Variants in YBEY observed in about 807,000 individuals in gnomAD.
The protein encoded by YBEY is ybeY metalloendoribonuclease, also known as endoribonuclease YbeY.
Under a neutral mutation model 13.5 loss-of-function variants are expected in YBEY, and 15 were observed. That is an observed-to-expected ratio of 1.11 (90% CI 0.75 to 1.72). The LOEUF is 1.72. Ranked by LOEUF, YBEY falls within the 40% of genes most tolerant of loss-of-function variation. The pLI, the probability that YBEY is intolerant of heterozygous loss-of-function variation, is 0.00. For missense variants in YBEY, 244 were observed against 208.4 expected (o/e 1.17, Z -1.05); for synonymous variants, 101 against 83.1 (o/e 1.21, Z -1.17).
At chr21:46,298,055 T>A (rs1453130369), downstream of YBEY, among the ~76,000 whole-genome samples, 1 of 152,228 alleles carries the variant, frequency 6.6e-6, no homozygotes, top group African/African-American at 2.4e-5. Flanking sequence ...CGCACGCCTC[T>A]TCATCAGGGC....
chr21:46,301,974 C>A, downstream of YBEY: 8 of 1,493,460 alleles, frequency 5.4e-6, no homozygotes, highest in Non-Finnish European at 7.1e-6. Context: ...GAGGGTGCCC[C>A]GGCCAGGGTC....
At chr21:46,289,210 G>A (rs755317610) in intron 2 of YBEY, among the ~76,000 whole-genome samples, 4 of 152,146 alleles carry the variant, frequency 2.6e-5, no homozygotes, top group East Asian at 1.9e-4. Flanking sequence ...ATATACAGTC[G>A]TGTCCATGTG....
At chr21:46,300,551 C>G (rs999728955), downstream of YBEY, 15 of 766,568 alleles carry the variant, frequency 2.0e-5, no homozygotes, top group South Asian at 5.8e-5. Context: ...TCTCTGGAAT[C>G]ACCTTCAAGA....
downstream of YBEY, chr21:46,301,703 C>A (rs546150709): frequency 2.7e-5 from 31 of 1,168,220 alleles, no homozygotes; most frequent in South Asian, 9.1e-4. Flanking sequence ...CCCAGGTGGG[C>A]CGGCGCCGCC....
intron 2 of YBEY, among the ~76,000 whole-genome samples, chr21:46,290,554 G>T (rs2081656169): frequency 6.6e-6 from 1 of 152,018 alleles, no homozygotes; most frequent in African/African-American, 2.4e-5. Flanking sequence ...GTGTACGGTT[G>T]GCTGGGCAAC....
At chr21:46,301,155 T>TA, downstream of YBEY, 1 of 782,150 alleles carries the variant, frequency 1.3e-6, no homozygotes, top group Non-Finnish European at 1.4e-6. Flanking sequence ...TTTTATTTTA[T>TA]TTTTGAGACA....
chr21:46,307,996 C>CT, the YBEY span, among the ~76,000 whole-genome samples: 20 of 151,774 alleles, frequency 1.3e-4, no homozygotes, highest in Admixed American at 6.6e-4. Flanking sequence ...TTGGCAGTTT[C>CT]TTTTTTTTCT....
rs1056946126 is a variant in YBEY at position 46,297,659 on chromosome 21, G to T, written c.*25G>T. On this transcript the variant is annotated 3_prime_UTR_variant, in exon 5 of 5. Coordinates refer to ENST00000397701, the MANE Select transcript of YBEY (RefSeq NM_001314025.2). ...AGGGCCGCGTTCCTTCTGAAAGCGG[G>T]ACGCGGGAGGGGTGGAGGCTGCGGG... is the stretch of plus-strand genomic sequence containing the variant. The T allele has an allele frequency of 9.3e-6, 12 of 1,287,480 alleles. No homozygotes were observed. The African/African-American group carries it at 1.7e-4, about 18-fold the overall frequency. 79.8% of individuals were successfully genotyped at this position (1,287,480 alleles called of 1,614,324 possible). A position where few individuals can be genotyped will look rare whatever the true frequency, so the allele number is the denominator to read the frequency against.
intron 3 of YBEY, 151 bp downstream of exon 3, chr21:46,291,613 A>G (rs988514645): frequency 1.4e-6 from 2 of 1,455,148 alleles, no homozygotes; most frequent in African/African-American, 2.9e-5. Flanking sequence ...AGGAGCACCC[A>G]GGCTGGGTAG....
In YBEY at chr21:46,296,349, T is replaced by G; in HGVS notation, c.408+119T>G. The stretch of plus-strand genomic sequence containing the variant: ...CCCCGCAGGAACTGGACCTCAGACC[T>G]GCCCTTGTAAAAATGACACAGATGT... On this transcript the variant is annotated intron_variant, in intron 4 of 4. Transcript: ENST00000397701. 6.5e-6 allele frequency: 7 copies of G among 1,077,106 alleles called. No individual in the cohort carries two copies. In the South Asian group the frequency reaches 8.1e-5, roughly 12 times the overall value. The allele number at this position is 1,077,106 out of a possible 1,614,324, so 66.7% of individuals were successfully genotyped here.
intron 3 of YBEY, among the ~76,000 whole-genome samples, chr21:46,293,771 C>CTT (rs2081837866): frequency 1.3e-4 from 1 of 7,612 alleles, no homozygotes; most frequent in Non-Finnish European, 2.4e-4. Flanking sequence ...ATTCCTCCCG[C>CTT]GGTTAGCCTG....
At chr21:46,302,281 A>G, downstream of YBEY, 5 of 1,400,078 alleles carry the variant, frequency 3.6e-6, no homozygotes, top group Non-Finnish European at 4.7e-6. Flanking sequence ...GCATCCTCCC[A>G]GAGGAGGCTC....
chr21:46,307,687 T>C, the YBEY span, among the ~76,000 whole-genome samples: 2 of 152,144 alleles, frequency 1.3e-5, no homozygotes, highest in Non-Finnish European at 2.9e-5. Flanking sequence ...CAATATATGA[T>C]AGAGCTACAG....
chr21:46,301,824 C>T (rs551219687), downstream of YBEY: 25 of 1,263,148 alleles, frequency 2.0e-5, no homozygotes, highest in African/African-American at 9.3e-5. Context: ...GCCCCGTGAC[C>T]AGAAAGCGAG....
At chr21:46,311,720 C>A in the YBEY span, 1 of 472,512 alleles carries the variant, frequency 2.1e-6, no homozygotes, top group Non-Finnish European at 3.9e-6. Flanking sequence ...ACCAACCATC[C>A]ACCCATCCAT....
At chr21:46,295,620 CCCTCCG>C (rs1165051386) in intron 3 of YBEY, among the ~76,000 whole-genome samples, 2 of 152,092 alleles carry the variant, frequency 1.3e-5, no homozygotes, top group African/African-American at 4.8e-5. Flanking sequence ...AGCTGCACCT[CCCTCCG>C]CCTCCGCCTT....
At chr21:46,294,822 T>C (rs1180693681) in intron 3 of YBEY, among the ~76,000 whole-genome samples, 1 of 152,058 alleles carries the variant, frequency 6.6e-6, no homozygotes, top group African/African-American at 2.4e-5. Context: ...CATACTTAAC[T>C]TGGCCTCCTT....
At chr21:46,308,230 A>G in the YBEY span, among the ~76,000 whole-genome samples, 1 of 152,052 alleles carries the variant, frequency 6.6e-6, no homozygotes. Flanking sequence ...TGGGAGGCCG[A>G]AGGGGGCAGA....
chr21:46,301,360 TG>T, downstream of YBEY: 1 of 490,128 alleles, frequency 2.0e-6, no homozygotes, highest in Non-Finnish European at 2.6e-6. Context: ...TGACCCAGGC[TG>T]GTCTCGAATT....
Sources: gnomAD v4.1 joint callset for allele counts (sites outside exome capture counted in the v4.1 genomes callset) on GRCh38, gnomAD v4.1.1 for gene constraint, MANE v1.5 for transcripts, NCBI Gene and HGNC (gene_info 2026-07-23, HGNC 2026-07-21) for gene names.